IGLL5: variants seen among roughly 807,000 people sequenced by gnomAD.
IGLL5 encodes the protein immunoglobulin lambda like polypeptide 5, also known as immunoglobulin lambda-like polypeptide 5.
A neutral mutation model predicts 20.9 loss-of-function variants in IGLL5; 30 were observed. The observed-to-expected ratio is 1.44, with a 90% CI of 1.07 to 1.95. The LOEUF (loss-of-function observed/expected upper bound fraction) is 1.95, where lower values mean the gene tolerates loss of function less well. IGLL5 is among the 30% of genes most tolerant of loss of function. IGLL5 has a pLI of 0.00. For synonymous variants in IGLL5, 203 were observed against 117.3 expected, an observed-to-expected ratio of 1.73 and a Z score of -4.72; for missense variants, 475 against 270.7, an observed-to-expected ratio of 1.75 and a Z score of -5.30.
chr22:22,893,283 T>C (rs1283141987), intron 1 of IGLL5, among the ~76,000 whole-genome samples: 6 of 151,096 alleles, frequency 4.0e-5, no homozygotes, highest in Admixed American at 6.6e-5. Context: ...CGCGTCTCCA[T>C]GGGTAGAAAG....
rs1363463085 is a variant in IGLL5, at chr22:22,893,777, T to C, written c.284T>C (p.Leu95Pro). ...GGGTTTTGGTCTGAGCCTCAGTCAC[T>C]GTGTTATGTCTTCGGAACTGGGACC... Reference protein sequence around the residue: ...PRGFWSEPQSLCYVFGTGTKV... With the variant: ...PRGFWSEPQSPCYVFGTGTKV... Residue 95 changes from leucine (L) to proline (P), a missense_variant, in exon 2 of 3, where the codon CTG (leucine) becomes CCG (proline). Coordinates refer to ENST00000526893, the MANE Select transcript of IGLL5 (RefSeq NM_001178126.2). 6.2e-7 allele frequency: 1 copy of C among 1,604,400 alleles called. No individual in the cohort carries two copies. Among genetic ancestry groups the C allele is most frequent in the Non-Finnish European group, 8.5e-7 (1 of 1,175,690 alleles).
In IGLL5 at chr22:22,895,364, T is replaced by C. The variant is rs2066743826; in HGVS notation, c.326-11T>C. ...GTCTGCCCTCTCTCACCCCCTTCCC[T>C]GTCCACACAGGTCAGCCCAAGGCCA... On this transcript the variant is annotated splice_polypyrimidine_tract_variant and intron_variant, in intron 2 of 2. Transcript: ENST00000526893. The C allele has an allele frequency of 1.2e-6, 2 of 1,611,924 alleles. No homozygotes were observed. The highest frequency in any genetic ancestry group is 1.1e-5 in the South Asian group (1 of 90,906).
intron 1 of IGLL5, among the ~76,000 whole-genome samples, chr22:22,888,806 G>C (rs556735360): frequency 1.3e-5 from 2 of 151,416 alleles, no homozygotes; most frequent in South Asian, 2.1e-4. Context: ...GAACCGAGGG[G>C]AGCTGTCCAG....
At chr22:22,894,020 A>AAT in intron 2 of IGLL5, among the ~76,000 whole-genome samples, 1 of 151,406 alleles carries the variant, frequency 6.6e-6, no homozygotes, top group Admixed American at 6.6e-5. Context: ...AGCCGGATGC[A>AAT]GCCTGGTCCC....
chr22:22,894,809 G>C, intron 2 of IGLL5, among the ~76,000 whole-genome samples: 1 of 151,436 alleles, frequency 6.6e-6, no homozygotes, highest in East Asian at 2.0e-4. Flanking sequence ...GCTTGTCTAG[G>C]TGGAGCCCAC....
intron 2 of IGLL5, 123 bp downstream of exon 2, chr22:22,893,941 C>A (rs1601622009): frequency 4.0e-6 from 3 of 754,922 alleles, no homozygotes; most frequent in Admixed American, 2.0e-5. Context: ...CCTTACCTTT[C>A]TCCATGGGGC....
At chr22:22,889,126 A>G (rs2067689051) in intron 1 of IGLL5, among the ~76,000 whole-genome samples, 2 of 151,060 alleles carry the variant, frequency 1.3e-5, no homozygotes, top group South Asian at 4.2e-4. Context: ...TCAGCACCGG[A>G]TTGGAGGCTG....
chr22:22,894,155 G>A (rs2067989973), intron 2 of IGLL5, among the ~76,000 whole-genome samples: 3 of 151,550 alleles, frequency 2.0e-5, no homozygotes, highest in African/African-American at 4.8e-5. Flanking sequence ...ATTGCCCAGT[G>A]ACTCCTGGGG....
rs558151272 is a variant in IGLL5 at position 22,888,417 on chromosome 22, T to G, written c.206+158T>G. On this transcript the variant is annotated intron_variant, in intron 1 of 2. Coordinates refer to ENST00000526893, the MANE Select transcript of IGLL5 (RefSeq NM_001178126.2). ...TAGTAATGGGTTGATATTTTGTCCA[T>G]CACAGATTTGTTTGAATTACTGTTT... Among the ~76,000 whole-genome samples the G allele has an allele frequency of 5.3e-5, 8 of 151,474 alleles. 1 individual carries two copies. The highest frequency in any genetic ancestry group is 4.0e-4 in the East Asian group (2 of 4,952).
At chr22:22,888,358 A>T (rs187609467) in intron 1 of IGLL5, 99 bp downstream of exon 1, 10 of 1,129,480 alleles carry the variant, frequency 8.9e-6, no homozygotes, top group Middle Eastern at 3.0e-4. Context: ...GAGGAAGGTT[A>T]ACCCCTAAGA....
intron 1 of IGLL5, among the ~76,000 whole-genome samples, chr22:22,891,512 T>A (rs1244541035): frequency 6.6e-6 from 1 of 151,264 alleles, no homozygotes; most frequent in African/African-American, 2.4e-5. Flanking sequence ...TCATGTCTAT[T>A]ATCTGTCATT....
chr22:22,895,672 T>G lies in IGLL5; in HGVS notation c.623T>G (p.Val208Gly). ...GAAGGGAGCACCGTGGAGAAGACAG[T>G]GGCCCCTACAGAATGTTCATAGGTT... Reference protein sequence around the residue: ...THEGSTVEKTVAPTECS With the variant: ...THEGSTVEKTGAPTECS The change falls in exon 3 of 3, where the codon GTG (valine) becomes GGG (glycine). Residue 208 changes from valine to glycine, a missense_variant. Physicochemically the swap from Val to Gly is moderately radical, Grantham distance 109. Transcript: ENST00000526893. 6.2e-7 allele frequency: 1 copy of G among 1,613,234 alleles called. No homozygotes were observed. Among genetic ancestry groups the G allele is most frequent in the Non-Finnish European group, 8.5e-7 (1 of 1,179,732 alleles).
intron 1 of IGLL5, among the ~76,000 whole-genome samples, chr22:22,888,784 G>T (rs953679722): frequency 6.6e-6 from 1 of 151,354 alleles, no homozygotes; most frequent in Non-Finnish European, 1.5e-5. Flanking sequence ...AAGGACACAG[G>T]GAGGGTGGGA....
chr22:22,893,804 A>C lies in IGLL5; in HGVS notation c.311A>C (p.Lys104Thr), dbSNP rs1452780748. 3.1e-6 allele frequency: 5 copies of C among 1,610,352 alleles called. No homozygotes were observed. The highest frequency in any genetic ancestry group is 1.3e-5 in the African/African-American group (1 of 74,716). ...TGTTATGTCTTCGGAACTGGGACCA[A>C]GGTCACCGTCCTAGGTAAGTGGCTC... is the stretch of plus-strand genomic sequence containing the variant. ...SLCYVFGTGT[K>T]VTVLGQPKAN... The change falls in exon 2 of 3, where the codon AAG becomes ACG. Residue 104 changes from lysine to threonine, a missense_variant. Transcript: ENST00000526893.
chr22:22,895,374 G>A lies in IGLL5; in HGVS notation c.326-1G>A. On this transcript the variant is annotated splice_acceptor_variant, in intron 2 of 2. Coordinates refer to ENST00000526893, the MANE Select transcript of IGLL5 (RefSeq NM_001178126.2). LOFTEE classifies it high-confidence loss of function. ...TCTCACCCCCTTCCCTGTCCACACA[G>A]GTCAGCCCAAGGCCAACCCCACTGT... 4 of 1,612,592 alleles carry A rather than the reference G, an allele frequency of 2.5e-6. No homozygotes were observed. The highest frequency in any genetic ancestry group is 3.4e-6 in the Non-Finnish European group (4 of 1,179,398).
At chr22:22,889,727 A>T (rs555197446) in intron 1 of IGLL5, among the ~76,000 whole-genome samples, 1 of 151,282 alleles carries the variant, frequency 6.6e-6, no homozygotes, top group Non-Finnish European at 1.5e-5. Context: ...AGCTAGGACT[A>T]CAGATGCAGG....
intron 1 of IGLL5, among the ~76,000 whole-genome samples, chr22:22,888,461 A>G (rs770217789): frequency 8.6e-5 from 13 of 151,278 alleles, no homozygotes; most frequent in South Asian, 6.3e-4. Flanking sequence ...ATATTACGAT[A>G]TTATTTTTCT....
At chr22:22,888,360 C>G (rs192143297) in intron 1 of IGLL5, 101 bp downstream of exon 1, 17 of 1,097,916 alleles carry the variant, frequency 1.5e-5, no homozygotes, top group Admixed American at 4.8e-5. Context: ...GGAAGGTTAA[C>G]CCCTAAGAGG....
intron 1 of IGLL5, among the ~76,000 whole-genome samples, chr22:22,892,063 C>A (rs1465577845): frequency 6.6e-6 from 1 of 151,246 alleles, no homozygotes; most frequent in Non-Finnish European, 1.5e-5. Context: ...AAAAGTGAGA[C>A]TAGACAACCT....
Sources: gnomAD v4.1 joint callset for allele counts (sites outside exome capture counted in the v4.1 genomes callset) on GRCh38, gnomAD v4.1.1 for gene constraint, MANE v1.5 for transcripts, NCBI Gene and HGNC (gene_info 2026-07-23, HGNC 2026-07-21) for gene names.